PDZD2: variants seen among roughly 807,000 people sequenced by gnomAD.
The protein encoded by PDZD2 is PDZ domain-containing protein 2.
In PDZD2, 90 loss-of-function variants were observed where a neutral mutation model predicts 220.7. The observed-to-expected ratio is 0.41, with a 90% CI of 0.34 to 0.49. The LOEUF (loss-of-function observed/expected upper bound fraction) is 0.49. Among genes scored for constraint, PDZD2 ranks in the 20% least tolerant of loss-of-function variants. The pLI, the probability that PDZD2 is intolerant of heterozygous loss-of-function variation, is 0.28. For missense variants in PDZD2, 3,174 were observed against 3,608.5 expected (o/e 0.88, Z 3.08); for synonymous variants, 1,375 against 1,450.5 (o/e 0.95, Z 1.18).
rs191776626 is a variant in PDZD2, at chr5:31,889,878, G to A, written c.476+90154G>A. Among the ~76,000 whole-genome samples, 104 of 152,074 alleles carry A rather than the reference G, an allele frequency of 6.8e-4. 1 individual carries two copies. Among genetic ancestry groups the A allele is most frequent in the Admixed American group, 6.5e-3 (99 of 15,256 alleles). ...TCTACTAAATGTACAAAAATTAGCC[G>A]GGTGTGGTAGTGCACACCTTGTAAT... On this transcript the variant is annotated intron_variant, in intron 2 of 24. Transcript: ENST00000438447.
At chr5:31,922,412 T>A (rs1293515439) in intron 2 of PDZD2, among the ~76,000 whole-genome samples, 4 of 152,244 alleles carry the variant, frequency 2.6e-5, no homozygotes, top group Non-Finnish European at 5.9e-5. Context: ...ATATTTTTTT[T>A]ATCATAATGG....
intron 1 of PDZD2, among the ~76,000 whole-genome samples, chr5:31,785,309 G>C (rs1441375158): frequency 1.3e-5 from 2 of 151,356 alleles, no homozygotes; most frequent in Admixed American, 1.3e-4. Flanking sequence ...ACCAAGGTCA[G>C]GGTCACCTTG....
chr5:32,008,238 A>C (rs1290360993), intron 5 of PDZD2, among the ~76,000 whole-genome samples: 1 of 151,244 alleles, frequency 6.6e-6, no homozygotes, highest in Admixed American at 6.6e-5. Flanking sequence ...TCATTGAAAA[A>C]GACCTTATCT....
chr5:31,943,869 G>C (rs962755287), intron 2 of PDZD2, among the ~76,000 whole-genome samples: 14 of 152,224 alleles, frequency 9.2e-5, no homozygotes, highest in African/African-American at 3.1e-4. Context: ...CTGAACTGTA[G>C]CTCAAATTTG....
intron 2 of PDZD2, among the ~76,000 whole-genome samples, chr5:31,973,002 A>G (rs1749441882): frequency 6.6e-6 from 1 of 152,254 alleles, no homozygotes; most frequent in South Asian, 2.1e-4. Flanking sequence ...CTCTCTTTTT[A>G]GGGCCAGTAT....
chr5:32,007,072 C>A (rs868213535), intron 5 of PDZD2, among the ~76,000 whole-genome samples: 2 of 151,956 alleles, frequency 1.3e-5, no homozygotes, highest in Admixed American at 6.6e-5. Context: ...CCCGCCACCA[C>A]GCCCGGCTAA....
At chr5:31,662,660 G>C (rs371326762) in intron 1 of PDZD2, among the ~76,000 whole-genome samples, 4 of 152,046 alleles carry the variant, frequency 2.6e-5, no homozygotes, top group East Asian at 1.9e-4. Context: ...GACGGAGTCT[G>C]GCTCTGTAGC....
chr5:31,735,283 G>A (rs1749791505), intron 1 of PDZD2, among the ~76,000 whole-genome samples: 1 of 152,186 alleles, frequency 6.6e-6, no homozygotes, highest in Non-Finnish European at 1.5e-5. Context: ...TTTGCCTAGT[G>A]TGTTTATTTG....
At chr5:31,684,224 A>G (rs1746760752) in intron 1 of PDZD2, among the ~76,000 whole-genome samples, 1 of 152,190 alleles carries the variant, frequency 6.6e-6, no homozygotes, top group Non-Finnish European at 1.5e-5. Flanking sequence ...AGGTGTCTCA[A>G]GTGATGGATG....
chr5:31,829,674 G>T (rs1756445458), intron 2 of PDZD2, among the ~76,000 whole-genome samples: 1 of 152,068 alleles, frequency 6.6e-6, no homozygotes, highest in African/African-American at 2.4e-5. Context: ...AACTTAACTA[G>T]TATGTCAGAG....
Position 32,108,178 on chromosome 5 carries a change from C to A in PDZD2, c.*43C>A. ...TTTCTCAGTTCTCTTCTTTCTTTAG[C>A]AAATCAGAGTGACTTCTTTAAACCA... On this transcript the variant is annotated 3_prime_UTR_variant, in exon 25 of 25. Transcript: ENST00000438447. 1.4e-6 allele frequency: 2 copies of A among 1,402,294 alleles called. No individual in the cohort carries two copies. The highest frequency in any genetic ancestry group is 2.0e-6 in the Non-Finnish European group (2 of 1,007,198). 86.9% of individuals were successfully genotyped at this position (1,402,294 alleles called of 1,614,324 possible).
In PDZD2 at chr5:32,109,425, G is replaced by A. The variant is rs1181339613; in HGVS notation, c.*1290G>A. On this transcript the variant is annotated 3_prime_UTR_variant, in exon 25 of 25. Transcript: ENST00000438447. ...AACTCACTCTGGCCACTCCTCCTCT[G>A]GTGGCATGAGCTGCTTCCCAGTAGC... is the stretch of plus-strand genomic sequence containing the variant. 2 of 152,150 alleles carry A rather than the reference G, an allele frequency of 1.3e-5. No homozygotes were observed. Among genetic ancestry groups the A allele is most frequent in the African/African-American group, 4.8e-5 (2 of 41,426 alleles). 9.4% of individuals were successfully genotyped at this position (152,150 alleles called of 1,614,324 possible). A position where few individuals can be genotyped will look rare whatever the true frequency, so the allele number is the denominator to read the frequency against.
intron 2 of PDZD2, among the ~76,000 whole-genome samples, chr5:31,850,153 T>A (rs1757939136): frequency 7.3e-6 from 1 of 136,444 alleles, no homozygotes; most frequent in African/African-American, 2.7e-5. Flanking sequence ...TAAGTATATA[T>A]GTGTATATAT....
At chr5:31,717,048 G>T (rs1046484400) in intron 1 of PDZD2, among the ~76,000 whole-genome samples, 1 of 152,060 alleles carries the variant, frequency 6.6e-6, no homozygotes, top group Non-Finnish European at 1.5e-5. Flanking sequence ...GAATTGGCTA[G>T]CTCTAGAAGA....
At chr5:31,803,968 G>A (rs1281416075) in intron 2 of PDZD2, among the ~76,000 whole-genome samples, 1 of 151,726 alleles carries the variant, frequency 6.6e-6, no homozygotes, top group African/African-American at 2.4e-5. Context: ...AAGCCCAGGA[G>A]GTCGATCGAG....
At position 31,819,909 on chromosome 5, in the gene PDZD2, G is replaced by A. The variant is rs530978374; in HGVS notation, c.476+20185G>A. 1.1e-4 allele frequency among the ~76,000 whole-genome samples: 16 copies of A among 152,256 alleles called. No individual in the cohort carries two copies. The South Asian group carries it at 1.7e-3, about 16-fold the overall frequency. ...CAGGAATTACTTTGAATCATACTAC[G>A]TGCAGAATTCTCTATTATCCTTTTC... On this transcript the variant is annotated intron_variant, in intron 2 of 24. Transcript: ENST00000438447.
intron 2 of PDZD2, among the ~76,000 whole-genome samples, chr5:31,863,321 A>T (rs1367787967): frequency 6.6e-6 from 1 of 152,206 alleles, no homozygotes; most frequent in East Asian, 1.9e-4. Context: ...GGCATTTTGG[A>T]AGCACTGATA....
intron 1 of PDZD2, among the ~76,000 whole-genome samples, chr5:31,690,510 G>A (rs2150127799): frequency 6.6e-6 from 1 of 152,292 alleles, no homozygotes; most frequent in East Asian, 1.9e-4. Flanking sequence ...TAAAATAAAA[G>A]CTTTAGCAGA....
At chr5:31,942,226 T>C (rs1262007355) in intron 2 of PDZD2, among the ~76,000 whole-genome samples, 3 of 152,212 alleles carry the variant, frequency 2.0e-5, no homozygotes, top group Non-Finnish European at 4.4e-5. Flanking sequence ...TGATTAGCCC[T>C]GGAACCAAGA....
Sources: allele counts gnomAD v4.1 joint callset (sites outside exome capture counted in the v4.1 genomes callset), GRCh38; gene constraint gnomAD v4.1.1; transcripts MANE v1.5; gene names NCBI Gene and HGNC (gene_info 2026-07-23, HGNC 2026-07-21).